COL17A1: variants seen among roughly 807,000 people sequenced by gnomAD.
COL17A1 encodes the protein collagen alpha-1(XVII) chain.
Under a neutral mutation model 218.4 loss-of-function variants are expected in COL17A1, and 181 were observed. The observed-to-expected ratio is 0.83, with a 90% confidence interval of 0.73 to 0.94. The LOEUF (loss-of-function observed/expected upper bound fraction) is 0.94, where lower values mean the gene tolerates loss of function less well. Among genes scored for constraint, COL17A1 ranks in the 40% least tolerant of loss-of-function variants. The pLI, the probability that COL17A1 is intolerant of heterozygous loss-of-function variation, is 0.00. For synonymous variants in COL17A1, 721 were observed against 731.0 expected (o/e 0.99, Z 0.22); for missense variants, 1,924 against 1,945.9 (o/e 0.99, Z 0.21).
intron 9 of COL17A1, among the ~76,000 whole-genome samples, chr10:104,068,486 T>G (rs1422455492): frequency 6.6e-6 from 1 of 152,206 alleles, no homozygotes; most frequent in Non-Finnish European, 1.5e-5. Context: ...GATTATCCAA[T>G]AATTGGTCAG....
Position 104,031,873 on chromosome 10 carries a change from T to G in COL17A1, c.*362A>C. ...CCCCATCCTCCGTTTTCTGGGCTCA[T>G]ATTTAGGTAAAGCTCTAAGACTCCT... is the stretch of plus-strand genomic sequence containing the variant. On this transcript the variant is annotated 3_prime_UTR_variant, in exon 56 of 56. Transcript: ENST00000648076. The G allele has an allele frequency of 3.8e-6, 1 of 265,214 alleles. No individual in the cohort carries two copies. Among genetic ancestry groups the G allele is most frequent in the Non-Finnish European group, 6.7e-6 (1 of 148,748 alleles). 16.4% of individuals were successfully genotyped at this position (265,214 alleles called of 1,614,324 possible).
intron 32 of COL17A1, among the ~76,000 whole-genome samples, chr10:104,046,302 G>A (rs1291530454): frequency 1.3e-5 from 2 of 152,110 alleles, no homozygotes; most frequent in African/African-American, 2.4e-5. Flanking sequence ...TAGTGATATG[G>A]GGGCACAATG....
chr10:104,047,873 T>C, intron 30 of COL17A1, 63 bp from the exon 31 acceptor site: 1 of 1,473,448 alleles, frequency 6.8e-7, no homozygotes, highest in South Asian at 1.1e-5. Flanking sequence ...GGTTATCACA[T>C]CTGAACTGAT....
intron 45 of COL17A1, 110 bp downstream of exon 45, chr10:104,038,296 A>C: frequency 7.1e-7 from 1 of 1,412,914 alleles, no homozygotes; most frequent in Non-Finnish European, 9.9e-7. Flanking sequence ...ACTGCCCTAC[A>C]TCGTCCCATG....
Position 104,043,582 on chromosome 10 carries a change from C to T in COL17A1, c.2435-1G>A. 9.3e-6 allele frequency: 15 copies of T among 1,614,038 alleles called. No individual in the cohort carries two copies. The highest frequency in any genetic ancestry group is 1.3e-5 in the Non-Finnish European group (15 of 1,180,004). ...GGGACAGTGAGCATCGATGACCCCT[C>T]TGAAAACAGAAGGCACATGGAACAT... On this transcript the variant is annotated splice_acceptor_variant, in intron 34 of 55. Coordinates refer to ENST00000648076, the MANE Select transcript of COL17A1 (RefSeq NM_000494.4). LOFTEE classifies it high-confidence loss of function.
chr10:104,079,068 T>C (rs2086736724), intron 2 of COL17A1, among the ~76,000 whole-genome samples: 1 of 152,214 alleles, frequency 6.6e-6, no homozygotes, highest in Non-Finnish European at 1.5e-5. Context: ...TTCGTTCTAA[T>C]GTCTTCAGGG....
intron 29 of COL17A1, among the ~76,000 whole-genome samples, chr10:104,048,704 G>A (rs1369374108): frequency 1.3e-5 from 2 of 152,224 alleles, no homozygotes; most frequent in Non-Finnish European, 2.9e-5. Flanking sequence ...CCTTGAGGGA[G>A]GTAAAGCATC....
chr10:104,055,745 T>G lies in COL17A1; in HGVS notation c.1687+37A>C, dbSNP rs917536235. Reference sequence around the variant, plus strand: ...ACATAGATGCAAAGAAGAAAGGGACTCAGGGGAGCTGGCCCTGTGCCCGGC... The same window carrying G: ...ACATAGATGCAAAGAAGAAAGGGACGCAGGGGAGCTGGCCCTGTGCCCGGC... On this transcript the variant is annotated intron_variant, in intron 18 of 55. Coordinates refer to ENST00000648076, the MANE Select transcript of COL17A1 (RefSeq NM_000494.4). The G allele has an allele frequency of 2.5e-6, 4 of 1,611,572 alleles. No individual in the cohort carries two copies. In the African/African-American group the frequency reaches 4.0e-5, roughly 16 times the overall value.
At chr10:104,039,150 A>G in intron 43 of COL17A1, 29 bp from the exon 44 acceptor site, 1 of 1,612,714 alleles carries the variant, frequency 6.2e-7, no homozygotes, top group Non-Finnish European at 8.5e-7. Flanking sequence ...AGTTTGCCTC[A>G]CCTCCTCCAG....
At chr10:104,051,295 C>T (rs1341924322) in intron 25 of COL17A1, among the ~76,000 whole-genome samples, 186 bp downstream of exon 25, 1 of 152,194 alleles carries the variant, frequency 6.6e-6, no homozygotes, top group Non-Finnish European at 1.5e-5. Flanking sequence ...CAGAAGGGAT[C>T]TGGACAGGAC....
In COL17A1 at chr10:104,034,133, G is replaced by C. The variant is rs750759099; in HGVS notation, c.3968C>G (p.Ala1323Gly). ...TGGGGAGSLG[A>G]GGAFGEAAGD... is the part of the protein sequence containing the mutation. Reference sequence around the variant, plus strand: ...TGCAGCTTCACCAAAGGCACCGCCTGCACCCAGGGAGCCTGCACCACCTCC... The same window carrying C: ...TGCAGCTTCACCAAAGGCACCGCCTCCACCCAGGGAGCCTGCACCACCTCC... The change falls in exon 52 of 56, where the codon GCA (alanine) becomes GGA (glycine). Residue 1323 changes from alanine (A) to glycine (G), a missense_variant. Ala to Gly is a moderately conservative substitution (Grantham distance 60, BLOSUM62 0). Coordinates refer to ENST00000648076, the MANE Select transcript of COL17A1 (RefSeq NM_000494.4). The C allele has an allele frequency of 1.2e-6, 2 of 1,613,988 alleles. No homozygotes were observed. Among genetic ancestry groups the C allele is most frequent in the Admixed American group, 3.3e-5 (2 of 60,028 alleles).
At chr10:104,058,928 C>A (rs996759203) in intron 15 of COL17A1, among the ~76,000 whole-genome samples, 1 of 94,820 alleles carries the variant, frequency 1.1e-5, no homozygotes, top group Non-Finnish European at 2.6e-5. Flanking sequence ...AGCAAGACTC[C>A]GTCTCAAAAA....
chr10:104,060,179 G>C lies in COL17A1; in HGVS notation c.1081C>G (p.Leu361Val), dbSNP rs151052547. The change falls in exon 14 of 56, where the codon CTC becomes GTC. Residue 361 changes from leucine (L) to valine (V), a missense_variant. By Grantham distance (32) the Leu-to-Val change is conservative. Transcript: ENST00000648076. ...TTCCCGCTGTCCTTGGTCATGATGA[G>C]CAGCTCCATCTCCTTCTTGGCAGGT... ...NTPAKKEMEL[L>V]IMTKDSGKVF... is the part of the protein sequence containing the mutation. The C allele has an allele frequency of 8.4e-5, 135 of 1,614,052 alleles. No homozygotes were observed. The highest frequency in any genetic ancestry group is 1.0e-5 in the Non-Finnish European group (12 of 1,180,024).
chr10:104,034,842 C>T (rs540228453), intron 50 of COL17A1, 75 bp from the exon 51 acceptor site: 39 of 1,565,300 alleles, frequency 2.5e-5, no homozygotes, highest in African/African-American at 1.3e-4. Flanking sequence ...GTGCTCGGGG[C>T]GCTGTGGGCC....
intron 48 of COL17A1, among the ~76,000 whole-genome samples, chr10:104,036,187 A>AT: frequency 3.8e-4 from 1 of 2,634 alleles, no homozygotes; most frequent in Admixed American, 4.0e-3. Context: ...TATGGAAGTG[A>AT]GTGTGTGTGT....
Position 104,039,840 on chromosome 10 carries a change from C to G in COL17A1, c.2788+133G>C. On this transcript the variant is annotated intron_variant, in intron 41 of 55. Transcript: ENST00000648076. ...ACACCCATGCACACACTCAACCATT[C>G]CTAGAGAAACACTGCTCTACTCTTG... 8 of 1,351,554 alleles carry G rather than the reference C, an allele frequency of 5.9e-6. 1 individual carries two copies. Among genetic ancestry groups the G allele is most frequent in the Non-Finnish European group, 8.5e-6 (8 of 944,440 alleles). The allele number at this position is 1,351,554 out of a possible 1,614,324, so 83.7% of individuals were successfully genotyped here.
chr10:104,034,697 ACCCGGGGGCCCTCGAGGC>A lies in COL17A1; in HGVS notation c.3672_3689del (p.Pro1225_Gly1230del). 1 of 1,609,712 alleles carries A rather than the reference ACCCGGGGGCCCTCGAGGC, an allele frequency of 6.2e-7. No homozygotes were observed. The highest frequency in any genetic ancestry group is 1.1e-5 in the South Asian group (1 of 89,974). On this transcript the variant is annotated inframe_deletion, in exon 51 of 56. Transcript: ENST00000648076. ...CATAGGTTGCCAGGGCTCCTGAGAC[ACCCGGGGGCCCTCGAGGC>A]CCTGGGGGACCAGGAGGTCCTGGAG...
intron 13 of COL17A1, 32 bp from the exon 14 acceptor site, chr10:104,060,312 G>T: frequency 1.2e-6 from 2 of 1,613,056 alleles, no homozygotes. Flanking sequence ...AAGAAGGAAG[G>T]ACATGTGCCA....
intron 3 of COL17A1, among the ~76,000 whole-genome samples, chr10:104,077,997 G>A (rs1369507027): frequency 6.6e-6 from 1 of 152,128 alleles, no homozygotes; most frequent in Non-Finnish European, 1.5e-5. Context: ...TCACTGCTCC[G>A]ACTTCACCTG....
Sources: allele counts gnomAD v4.1 joint callset (sites outside exome capture counted in the v4.1 genomes callset), GRCh38; gene constraint gnomAD v4.1.1; transcripts MANE v1.5; gene names NCBI Gene and HGNC (gene_info 2026-07-23, HGNC 2026-07-21).